TBC1D1: variants seen among roughly 807,000 people sequenced by gnomAD.
The protein encoded by TBC1D1 is TBC1 (tre-2/USP6, BUB2, cdc16) domain family, member 1.
TBC1D1 carries 89 observed loss-of-function variants against 125.6 expected under a neutral mutation model. That is an observed-to-expected ratio of 0.71 (90% CI 0.60 to 0.85). The LOEUF (loss-of-function observed/expected upper bound fraction) is 0.85. Ranked by LOEUF, TBC1D1 falls within the 40% of genes least tolerant of loss-of-function variation. TBC1D1 has a pLI of 0.00. For missense variants in TBC1D1, 1,377 were observed against 1,469.2 expected (o/e 0.94, Z 1.03); for synonymous variants, 565 against 564.1 (o/e 1.00, Z -0.02).
At chr4:37,975,561 A>G (rs950016836) in intron 2 of TBC1D1, among the ~76,000 whole-genome samples, 2 of 152,136 alleles carry the variant, frequency 1.3e-5, no homozygotes, top group African/African-American at 4.8e-5. Flanking sequence ...TTTTGTTGAC[A>G]CTAACACTAC....
At chr4:38,024,414 CT>C (rs1744669641) in intron 6 of TBC1D1, among the ~76,000 whole-genome samples, 1 of 152,200 alleles carries the variant, frequency 6.6e-6, no homozygotes, top group Admixed American at 6.5e-5. Context: ...CTTGATAAAT[CT>C]TTCTTTGGTC....
Position 37,977,367 on chromosome 4 carries a change from G to A in TBC1D1, c.418-37142G>A. 2 of 345,954 alleles carry A rather than the reference G, an allele frequency of 5.8e-6. No homozygotes were observed. The highest frequency in any genetic ancestry group is 8.1e-6 in the Non-Finnish European group (2 of 247,592). 21.4% of individuals were successfully genotyped at this position (345,954 alleles called of 1,614,324 possible). A position where few individuals can be genotyped will look rare whatever the true frequency, so the allele number is the denominator to read the frequency against. On this transcript the variant is annotated intron_variant, in intron 2 of 19. Transcript: ENST00000261439. The surrounding 1 kb of genome is among the most constrained non-coding windows in gnomAD (Gnocchi z 4.3). ...GAACTGGGTGGAGCCCGCCGCCGCC[G>A]CCGCCGCCGCCGGGGAGAGCGATGC...
intron 3 of TBC1D1, among the ~76,000 whole-genome samples, chr4:38,016,460 A>C (rs1321977454): frequency 1.3e-5 from 2 of 152,234 alleles, no homozygotes; most frequent in African/African-American, 4.8e-5. Context: ...GTCTCTGCTG[A>C]AATGTTGACA....
rs202092022 is a variant in TBC1D1, at chr4:37,898,046, T to C, written c.-93-3957T>C. Among the ~76,000 whole-genome samples the C allele has an allele frequency of 3.9e-5, 6 of 152,328 alleles. No individual in the cohort carries two copies. In the East Asian group the frequency reaches 5.8e-4, roughly 15 times the overall value. On this transcript the variant is annotated intron_variant, in intron 1 of 19. Coordinates refer to ENST00000261439, the MANE Select transcript of TBC1D1 (RefSeq NM_015173.4). ...TTTGAAATAAAAAATTAGCTATGAG[T>C]TATGTTCAAATTATATTATAAAAAT...
chr4:38,128,042 G>A (rs908367940), intron 18 of TBC1D1, among the ~76,000 whole-genome samples: 1 of 152,168 alleles, frequency 6.6e-6, no homozygotes, highest in Non-Finnish European at 1.5e-5. Context: ...TTTAAAAACT[G>A]TGCAGCGTGA....
intron 2 of TBC1D1, among the ~76,000 whole-genome samples, chr4:37,913,234 G>C (rs1052487430): frequency 5.3e-5 from 8 of 152,076 alleles, no homozygotes; most frequent in African/African-American, 1.9e-4. Context: ...TATATGCTTG[G>C]TTCCTAAGGA....
At chr4:38,111,552 T>C (rs1479259502) in intron 15 of TBC1D1, among the ~76,000 whole-genome samples, 1 of 152,256 alleles carries the variant, frequency 6.6e-6, no homozygotes. Flanking sequence ...TGTTTCTACA[T>C]TTAAAAAATC....
intron 2 of TBC1D1, among the ~76,000 whole-genome samples, chr4:37,979,567 AGTT>A: frequency 6.6e-6 from 1 of 152,236 alleles, no homozygotes; most frequent in African/African-American, 2.4e-5. Flanking sequence ...ATAATCTTGA[AGTT>A]GTTATATTTG....
At chr4:38,045,345 C>T (rs984803859) in intron 9 of TBC1D1, among the ~76,000 whole-genome samples, 28 of 152,000 alleles carry the variant, frequency 1.8e-4, no homozygotes, top group Non-Finnish European at 2.9e-4. Context: ...TTATTTTCTT[C>T]GAAGATGTTT....
intron 2 of TBC1D1, among the ~76,000 whole-genome samples, chr4:37,939,655 G>T (rs1436084455): frequency 1.3e-5 from 2 of 152,108 alleles, no homozygotes; most frequent in Non-Finnish European, 2.9e-5. Context: ...TATGGTTTTA[G>T]GTCTAAGATT....
chr4:38,046,362 ACT>A (rs1046826588), intron 10 of TBC1D1, among the ~76,000 whole-genome samples: 14 of 146,288 alleles, frequency 9.6e-5, no homozygotes, highest in Non-Finnish European at 1.3e-4. Context: ...ACAGAGAGAG[ACT>A]CTGTGTAAAA....
At chr4:37,960,839 G>T (rs762903397) in intron 2 of TBC1D1, 2 of 1,614,088 alleles carry the variant, frequency 1.2e-6, no homozygotes, top group Non-Finnish European at 8.5e-7. Context: ...AAGAGCGCCA[G>T]ATTGCACACC....
At chr4:38,108,182 C>T (rs562986372) in intron 15 of TBC1D1, among the ~76,000 whole-genome samples, 44 of 152,308 alleles carry the variant, frequency 2.9e-4, no homozygotes, top group African/African-American at 1.0e-3. Context: ...CTCCCACTGT[C>T]GTCCTGACCA....
chr4:37,918,659 GC>G (rs1439323832), intron 2 of TBC1D1, among the ~76,000 whole-genome samples: 12 of 152,104 alleles, frequency 7.9e-5, no homozygotes, highest in Non-Finnish European at 1.6e-4. Flanking sequence ...TGTTTGCCAG[GC>G]TGGTCTCAAA....
At chr4:38,036,675 T>TAA (rs1747281438) in intron 8 of TBC1D1, among the ~76,000 whole-genome samples, 1 of 152,222 alleles carries the variant, frequency 6.6e-6, no homozygotes, top group Admixed American at 6.5e-5. Flanking sequence ...TTCTACCTTC[T>TAA]AGGTGGCTTT....
At chr4:37,925,159 C>G (rs777549741) in intron 2 of TBC1D1, among the ~76,000 whole-genome samples, 2 of 152,228 alleles carry the variant, frequency 1.3e-5, no homozygotes, top group African/African-American at 2.4e-5. Flanking sequence ...GGCACACAGT[C>G]ACACGTCATA....
intron 2 of TBC1D1, among the ~76,000 whole-genome samples, chr4:37,969,614 T>C (rs1352776843): frequency 6.6e-6 from 1 of 152,230 alleles, no homozygotes; most frequent in Non-Finnish European, 1.5e-5. Context: ...CAAAAAGTGC[T>C]GGGATTACAG....
chr4:37,916,541 T>C (rs1453842867), intron 2 of TBC1D1, among the ~76,000 whole-genome samples: 2 of 151,968 alleles, frequency 1.3e-5, no homozygotes, highest in Admixed American at 6.6e-5. Flanking sequence ...ACCATCTTGG[T>C]TGTGAAAAGA....
At chr4:38,101,233 C>G (rs1391311043) in intron 14 of TBC1D1, among the ~76,000 whole-genome samples, 4 of 152,208 alleles carry the variant, frequency 2.6e-5, no homozygotes, top group South Asian at 2.1e-4. Context: ...GACAGGCTGT[C>G]TGAGTGGCAG....
Sources: allele counts gnomAD v4.1 joint callset (sites outside exome capture counted in the v4.1 genomes callset), GRCh38; gene constraint gnomAD v4.1.1; non-coding constraint Gnocchi (gnomAD v3.1); transcripts MANE v1.5; gene names NCBI Gene and HGNC (gene_info 2026-07-23, HGNC 2026-07-21).